The following ENDOV variants were observed in gnomAD, a reference collection of about 807,000 sequenced individuals.
ENDOV encodes the protein endonuclease V, also known as hEndoV.
In ENDOV, 37 loss-of-function variants were observed where a neutral mutation model predicts 39.4. The ratio of observed to expected loss-of-function variants is 0.94; its 90% CI spans 0.72 to 1.23. ENDOV has a LOEUF of 1.23. ENDOV is among the 50% of genes most tolerant of loss of function. The probability of loss-of-function intolerance (pLI) is 0.00; values close to 1 mark genes in which losing one functional copy is unlikely to be tolerated. For missense variants in ENDOV, 441 were observed against 375.7 expected (o/e 1.17, Z -1.44); for synonymous variants, 186 against 163.4 (o/e 1.14, Z -1.05).
chr17:80,430,100 A>G (rs1026137054), intron 9 of ENDOV: 4 of 1,534,750 alleles, frequency 2.6e-6, no homozygotes, highest in South Asian at 1.2e-5. Flanking sequence ...ACGCCGCAGC[A>G]CAGCCCAGCA....
At chr17:80,430,486 T>C in intron 9 of ENDOV, 1 of 851,644 alleles carries the variant, frequency 1.2e-6, no homozygotes, top group African/African-American at 1.7e-5. Context: ...CTGAACCACC[T>C]CTGCCCTGAC....
chr17:80,426,459 G>A (rs968770097), intron 7 of ENDOV, among the ~76,000 whole-genome samples: 1 of 151,946 alleles, frequency 6.6e-6, no homozygotes, highest in African/African-American at 2.4e-5. Context: ...GGGCGCCCTA[G>A]GCAACATAGA....
chr17:80,433,311 G>A (rs1296946102), intron 9 of ENDOV: 2 of 473,560 alleles, frequency 4.2e-6, no homozygotes, highest in East Asian at 6.0e-5. Context: ...AGGGAGCCTT[G>A]GCACATGGTG....
chr17:80,426,632 C>T (rs911379101), intron 7 of ENDOV, among the ~76,000 whole-genome samples: 1 of 152,186 alleles, frequency 6.6e-6, no homozygotes. Context: ...GCCTGGGTGA[C>T]AGAGCAAGAC....
rs772480605 is a variant in ENDOV at position 80,428,585 on chromosome 17, G to C, written c.715-11G>C. ...CAGCTCAGCACCCAGCAGCACGTCT[G>C]TCTCCCCCAGGCTGACATCTGCTCC... On this transcript the variant is annotated splice_polypyrimidine_tract_variant and intron_variant, in intron 7 of 9. Transcript: ENST00000518137. The C allele has an allele frequency of 1.9e-6, 3 of 1,574,860 alleles. No individual in the cohort carries two copies. Among genetic ancestry groups the C allele is most frequent in the South Asian group, 2.3e-5 (2 of 85,612 alleles).
At chr17:80,430,476 C>T (rs1297398617) in intron 9 of ENDOV, 3 of 953,072 alleles carry the variant, frequency 3.1e-6, no homozygotes, top group Non-Finnish European at 4.4e-6. Context: ...CCCAGCCACA[C>T]TGAACCACCT....
Position 80,421,828 on chromosome 17 carries a change from G to A in ENDOV, c.229G>A (p.Val77Met). 9 of 1,595,528 alleles carry A rather than the reference G, an allele frequency of 5.6e-6. No individual in the cohort carries two copies. Among genetic ancestry groups the A allele is most frequent in the Non-Finnish European group, 7.7e-6 (9 of 1,171,638 alleles). ...LVVLSFPELEVVYEESRMVSL... is the reference protein window; with the variant it reads ...LVVLSFPELEMVYEESRMVSL... ...CACTGAGCTGCGTGCCTGGTGTCAG[G>A]TGGTGTATGAGGAGAGCCGCATGGT... The change falls in exon 3 of 10, where the codon GTG becomes ATG. Residue 77 changes from valine (V) to methionine (M), a missense_variant and splice_region_variant. Val to Met is a conservative substitution (Grantham distance 21). Coordinates refer to ENST00000518137, the MANE Select transcript of ENDOV (RefSeq NM_173627.5).
At chr17:80,431,809 G>A (rs940354312) in intron 9 of ENDOV, among the ~76,000 whole-genome samples, 3 of 152,186 alleles carry the variant, frequency 2.0e-5, no homozygotes, top group Admixed American at 6.5e-5. Context: ...GACGGCTCAC[G>A]GCCCTCCCTT....
intron 2 of ENDOV, chr17:80,419,635 G>A: frequency 1.4e-6 from 1 of 702,890 alleles, no homozygotes; most frequent in Non-Finnish European, 2.6e-6. Flanking sequence ...CCTTCTGCTT[G>A]TCAGCCCTTC....
intron 2 of ENDOV, chr17:80,418,771 A>AGATTGTAGT: frequency 6.6e-6 from 1 of 152,320 alleles, no homozygotes; most frequent in Non-Finnish European, 1.5e-5. Flanking sequence ...TTCTAAAGTT[A>AGATTGTAGT]GATTGTAGTG....
At chr17:80,429,965 C>T (rs1222061514) in intron 9 of ENDOV, 134 bp downstream of exon 9, 2 of 1,555,084 alleles carry the variant, frequency 1.3e-6, no homozygotes, top group East Asian at 2.4e-5. Flanking sequence ...CCACCGGCCA[C>T]CCCGTTCTGG....
chr17:80,427,105 T>G (rs575207179), intron 7 of ENDOV, among the ~76,000 whole-genome samples: 1 of 152,368 alleles, frequency 6.6e-6, no homozygotes, highest in East Asian at 1.9e-4. Flanking sequence ...CCTGGGGAGC[T>G]GTGCTCAGTG....
intron 9 of ENDOV, chr17:80,430,105 C>G (rs1201974898): frequency 6.5e-7 from 1 of 1,534,616 alleles, no homozygotes; most frequent in African/African-American, 1.4e-5. Flanking sequence ...GCAGCACAGC[C>G]CAGCACCAGG....
At chr17:80,433,215 C>T (rs1159528422) in intron 9 of ENDOV, 2 of 519,902 alleles carry the variant, frequency 3.8e-6, no homozygotes, top group East Asian at 1.1e-4. Context: ...TGGCCTTGAG[C>T]AAAGCTCAAA....
intron 7 of ENDOV, 110 bp from the exon 8 acceptor site, chr17:80,428,486 T>C: frequency 9.6e-7 from 1 of 1,039,674 alleles, no homozygotes; most frequent in African/African-American, 1.6e-5. Flanking sequence ...GTGACCTGTG[T>C]GTCCTGAGTG....
chr17:80,428,507 G>T, intron 7 of ENDOV, 89 bp from the exon 8 acceptor site: 1 of 1,305,010 alleles, frequency 7.7e-7, no homozygotes. Flanking sequence ...GGCTTCTGTG[G>T]GGGATGGAGG....
intron 7 of ENDOV, among the ~76,000 whole-genome samples, chr17:80,426,424 G>A (rs2145039573): frequency 6.6e-6 from 1 of 152,336 alleles, no homozygotes; most frequent in Admixed American, 6.5e-5. Context: ...AGAGGTGGGA[G>A]GATCACTTGA....
At chr17:80,418,804 C>T (rs947713323) in intron 2 of ENDOV, 1 of 152,066 alleles carries the variant, frequency 6.6e-6, no homozygotes, top group African/African-American at 2.4e-5. Flanking sequence ...TCTGTAAATA[C>T]CAAAACCATC....
intron 2 of ENDOV, chr17:80,417,767 C>G (rs575741875): frequency 1.3e-5 from 2 of 152,334 alleles, no homozygotes; most frequent in Non-Finnish European, 2.9e-5. Context: ...GGAATATAAA[C>G]TCCATGATGG....
Sources: allele counts gnomAD v4.1 joint callset (sites outside exome capture counted in the v4.1 genomes callset), GRCh38; gene constraint gnomAD v4.1.1; transcripts MANE v1.5; gene names NCBI Gene and HGNC (gene_info 2026-07-23, HGNC 2026-07-21).